The following PTPN12 variants were observed in gnomAD, a reference collection of about 807,000 sequenced individuals.
PTPN12 encodes tyrosine-protein phosphatase non-receptor type 12.
In PTPN12, 29 loss-of-function variants were observed where a neutral mutation model predicts 97.6. That is an observed-to-expected ratio of 0.30 (90% CI 0.22 to 0.41). The LOEUF (loss-of-function observed/expected upper bound fraction) is 0.41, where lower values mean the gene tolerates loss of function less well. Ranked by LOEUF, PTPN12 falls within the 10% of genes least tolerant of loss-of-function variation. The pLI is 1.00. For missense variants in PTPN12, 819 were observed against 926.0 expected (o/e 0.88, Z 1.50); for synonymous variants, 327 against 300.4 (o/e 1.09, Z -0.91).
At chr7:77,620,672 A>C (rs761907883) in intron 12 of PTPN12, among the ~76,000 whole-genome samples, 1 of 152,262 alleles carries the variant, frequency 6.6e-6, no homozygotes, top group Non-Finnish European at 1.5e-5. Flanking sequence ...TGATGGGGCC[A>C]GGCGTGGTGG....
intron 1 of PTPN12, among the ~76,000 whole-genome samples, chr7:77,541,881 A>G (rs1238587086): frequency 1.3e-5 from 2 of 152,202 alleles, no homozygotes; most frequent in Non-Finnish European, 2.9e-5. Context: ...TTTTGCTAAT[A>G]AATTAGCAAA....
chr7:77,547,108 T>A (rs1261734346), intron 1 of PTPN12, among the ~76,000 whole-genome samples: 1 of 152,218 alleles, frequency 6.6e-6, no homozygotes, highest in Admixed American at 6.5e-5. Flanking sequence ...CCTGATAGGC[T>A]CTGAAGGAAT....
chr7:77,633,003 G>A (rs923478999), intron 14 of PTPN12, among the ~76,000 whole-genome samples: 1 of 152,040 alleles, frequency 6.6e-6, no homozygotes. Flanking sequence ...AGGTGCAGTG[G>A]CTCATACCTG....
rs1251508657 is a variant in PTPN12, at chr7:77,627,056, A to G, written c.1377A>G (p.Gly459=). 10 of 1,613,856 alleles carry G rather than the reference A, an allele frequency of 6.2e-6. No individual in the cohort carries two copies. The highest frequency in any genetic ancestry group is 8.5e-6 in the Non-Finnish European group (10 of 1,179,814). Residue 459 remains glycine (G), a synonymous_variant, in exon 13 of 18, where the codon GGA becomes GGG. Coordinates refer to ENST00000248594, the MANE Select transcript of PTPN12 (RefSeq NM_002835.4). ...SFDGNTLLNR[G]HAIKIKSASP... ...ATGGGAACACACTTTTGAATAGGGGACATGCAATTAAAATTAAATCTGCTT... is the reference window on the plus strand; with the variant it reads ...ATGGGAACACACTTTTGAATAGGGGGCATGCAATTAAAATTAAATCTGCTT...
chr7:77,555,926 AT>A (rs1807690412), intron 1 of PTPN12, among the ~76,000 whole-genome samples: 1 of 152,062 alleles, frequency 6.6e-6, no homozygotes, highest in South Asian at 2.1e-4. Context: ...AAAAAAAAAA[AT>A]CTCTAGTGTT....
intron 5 of PTPN12, among the ~76,000 whole-genome samples, chr7:77,586,206 G>A (rs1310074393): frequency 7.2e-5 from 11 of 152,134 alleles, no homozygotes; most frequent in African/African-American, 2.4e-4. Flanking sequence ...TGCCCACCTC[G>A]GCCTCCCAAA....
intron 1 of PTPN12, chr7:77,563,956 C>A (rs1299174567): frequency 4.5e-6 from 2 of 442,472 alleles, no homozygotes; most frequent in Non-Finnish European, 9.0e-6. Context: ...GTCGCCCAGG[C>A]TGGAGTGCAG....
Position 77,537,613 on chromosome 7 carries a change from A to G in PTPN12, c.67A>G (p.Asn23Asp), listed in dbSNP as rs1461403485. ...RVQAMKSPDH[N>D]GEDNFARDFM... ...CCAGGCCATGAAGAGTCCTGACCACAATGGGGAGGACAACTTCGCCCGGGA... is the reference window on the plus strand; with the variant it reads ...CCAGGCCATGAAGAGTCCTGACCACGATGGGGAGGACAACTTCGCCCGGGA... Residue 23 changes from asparagine to aspartate, a missense_variant, in exon 1 of 18, where the codon AAT becomes GAT. By Grantham distance (23) the Asn-to-Asp change is conservative. This residue lies in a region of PTPN12 where 59 missense variants were observed against 42.2 expected (regional missense o/e 1.40). Coordinates refer to ENST00000248594, the MANE Select transcript of PTPN12 (RefSeq NM_002835.4). The G allele has an allele frequency of 6.2e-7, 1 of 1,604,084 alleles. No individual in the cohort carries two copies. Among genetic ancestry groups the G allele is most frequent in the Non-Finnish European group, 8.5e-7 (1 of 1,176,140 alleles).
intron 6 of PTPN12, among the ~76,000 whole-genome samples, chr7:77,594,447 T>G (rs1359249096): frequency 6.6e-6 from 1 of 152,196 alleles, no homozygotes; most frequent in African/African-American, 2.4e-5. Context: ...TCCTCGACAG[T>G]GTAGAAACCT....
Position 77,635,830 on chromosome 7 carries a change from C to T in PTPN12, c.2123C>T (p.Ser708Phe). Reference protein sequence around the residue: ...EWSELQSQERSEQKKSEGLIT... With the variant: ...EWSELQSQERFEQKKSEGLIT... ...AGTGAACTTCAAAGTCAGGAACGAT[C>T]TGAACAAAAAAAGTCTGAAGTAAGT... Residue 708 changes from serine to phenylalanine, a missense_variant, in exon 15 of 18, where the codon TCT (serine) becomes TTT (phenylalanine). This residue lies in a region of PTPN12 where 607 missense variants were observed against 577.3 expected (regional missense o/e 1.05). Transcript: ENST00000248594. 6.2e-7 allele frequency: 1 copy of T among 1,605,056 alleles called. No homozygotes were observed. Among genetic ancestry groups the T allele is most frequent in the Admixed American group, 1.7e-5 (1 of 58,482 alleles).
At chr7:77,539,237 T>C (rs1584077110) in intron 1 of PTPN12, among the ~76,000 whole-genome samples, 1 of 152,326 alleles carries the variant, frequency 6.6e-6, no homozygotes, top group South Asian at 2.1e-4. Flanking sequence ...TTGAGCTTTG[T>C]GATTCCCGCC....
Position 77,632,370 on chromosome 7 carries a change from A to T in PTPN12, c.2019A>T (p.Ser673=). 6.2e-7 allele frequency: 1 copy of T among 1,609,096 alleles called. No individual in the cohort carries two copies. Among genetic ancestry groups the T allele is most frequent in the Non-Finnish European group, 8.5e-7 (1 of 1,175,588 alleles). The change falls in exon 14 of 18, where the codon TCA becomes TCT. Residue 673 remains serine, a synonymous_variant. Transcript: ENST00000248594. Reference sequence around the variant, plus strand: ...TAGATGTTGATGTTAGTGAAGATTCACCTCCTCCCCTACCTGAAAGAACTC... The same window carrying T: ...TAGATGTTGATGTTAGTGAAGATTCTCCTCCTCCCCTACCTGAAAGAACTC... ...AEKDVDVSED[S]PPPLPERTPE...
At chr7:77,598,096 A>G (rs1157207629) in intron 7 of PTPN12, among the ~76,000 whole-genome samples, 195 bp downstream of exon 7, 1 of 151,968 alleles carries the variant, frequency 6.6e-6, no homozygotes, top group African/African-American at 2.4e-5. Flanking sequence ...GCATGGTGGC[A>G]TGTGCCCATA....
At chr7:77,560,463 A>G (rs1807946347) in intron 1 of PTPN12, among the ~76,000 whole-genome samples, 1 of 152,172 alleles carries the variant, frequency 6.6e-6, no homozygotes, top group Non-Finnish European at 1.5e-5. Context: ...GTACATTCAC[A>G]TTGTTGTATA....
chr7:77,611,431 G>A (rs562932813), intron 11 of PTPN12, among the ~76,000 whole-genome samples: 57 of 151,988 alleles, frequency 3.8e-4, no homozygotes, highest in Admixed American at 3.7e-3. Context: ...AGTTATTTGT[G>A]TATATGCTTT....
chr7:77,612,294 C>T (rs1410500382), intron 11 of PTPN12, among the ~76,000 whole-genome samples: 1 of 152,158 alleles, frequency 6.6e-6, no homozygotes, highest in Non-Finnish European at 1.5e-5. Context: ...TTTTATGTGA[C>T]ATCGTTCTTA....
chr7:77,621,282 C>T (rs1788928558), intron 12 of PTPN12, among the ~76,000 whole-genome samples: 1 of 152,126 alleles, frequency 6.6e-6, no homozygotes, highest in Non-Finnish European at 1.5e-5. Flanking sequence ...CCTATGATAA[C>T]AGTGCCCTCT....
chr7:77,621,738 G>A (rs890097689), intron 12 of PTPN12, among the ~76,000 whole-genome samples: 6 of 152,104 alleles, frequency 3.9e-5, no homozygotes, highest in African/African-American at 1.4e-4. Context: ...TGTCCTGTAC[G>A]TAATTACATG....
At chr7:77,626,167 G>A (rs1054685043) in intron 12 of PTPN12, among the ~76,000 whole-genome samples, 3 of 152,168 alleles carry the variant, frequency 2.0e-5, no homozygotes, top group African/African-American at 7.2e-5. Flanking sequence ...ATGATGCATA[G>A]AGAGCTAAGC....
Sources: gnomAD v4.1 joint callset for allele counts (sites outside exome capture counted in the v4.1 genomes callset) on GRCh38, gnomAD v4.1.1 for gene constraint, gnomAD v4.1.1 regional missense constraint, MANE v1.5 for transcripts, NCBI Gene and HGNC (gene_info 2026-07-23, HGNC 2026-07-21) for gene names.